Variants in ARHGAP44 observed in about 807,000 individuals in gnomAD.
ARHGAP44 encodes rho GTPase-activating protein 44.
ARHGAP44 carries 43 observed loss-of-function variants against 106.8 expected under a neutral mutation model. That is an observed-to-expected ratio of 0.40 (90% CI 0.32 to 0.52). ARHGAP44 has a LOEUF of 0.52. Among genes scored for constraint, ARHGAP44 ranks in the 20% least tolerant of loss-of-function variants. The pLI, the probability that ARHGAP44 is intolerant of heterozygous loss-of-function variation, is 0.48. For missense variants in ARHGAP44, 866 were observed against 1,050.5 expected, an observed-to-expected ratio of 0.82 and a Z score of 2.43; for synonymous variants, 439 against 410.3, an observed-to-expected ratio of 1.07 and a Z score of -0.85.
chr17:12,856,451 AT>A (rs970783093), intron 1 of ARHGAP44, among the ~76,000 whole-genome samples: 17 of 152,134 alleles, frequency 1.1e-4, no homozygotes, highest in African/African-American at 3.9e-4. Context: ...ATTTTCTACT[AT>A]TTTTTAAAAG....
chr17:12,815,253 T>C (rs1308549484), intron 1 of ARHGAP44, among the ~76,000 whole-genome samples: 1 of 152,180 alleles, frequency 6.6e-6, no homozygotes, highest in Non-Finnish European at 1.5e-5. Context: ...CCTGTAGGCA[T>C]TTAGAATGTA....
At chr17:12,833,300 C>A (rs74918296) in intron 1 of ARHGAP44, among the ~76,000 whole-genome samples, 452 of 152,268 alleles carry the variant, frequency 3.0e-3, no homozygotes, top group African/African-American at 9.9e-3. Context: ...TGGACTTTTT[C>A]GTACGTGTCT....
At chr17:12,808,717 T>G (rs2034351711) in intron 1 of ARHGAP44, among the ~76,000 whole-genome samples, 1 of 152,238 alleles carries the variant, frequency 6.6e-6, no homozygotes, top group Admixed American at 6.5e-5. Flanking sequence ...ACCTCTGATA[T>G]GCCCTGGGGA....
intron 1 of ARHGAP44, among the ~76,000 whole-genome samples, chr17:12,827,329 A>C (rs954149263): frequency 6.6e-6 from 1 of 152,170 alleles, no homozygotes; most frequent in Non-Finnish European, 1.5e-5. Flanking sequence ...GTAAACATGC[A>C]GTCTAATGCG....
intron 1 of ARHGAP44, among the ~76,000 whole-genome samples, chr17:12,868,158 G>A (rs867282521): frequency 2.6e-5 from 4 of 152,180 alleles, no homozygotes; most frequent in Middle Eastern, 3.4e-3. Context: ...TCGGAGGGTC[G>A]TTTTCCTCTG....
At chr17:12,828,636 C>CTTTTTTTTTTTTT (rs34860101) in intron 1 of ARHGAP44, among the ~76,000 whole-genome samples, 2 of 93,268 alleles carry the variant, frequency 2.1e-5, no homozygotes, top group East Asian at 6.3e-4. Flanking sequence ...TTTTTTCTTT[C>CTTTTTTTTTTTTT]TTTTTTTTTT....
chr17:12,883,942 G>C (rs2036809693), intron 1 of ARHGAP44, among the ~76,000 whole-genome samples: 1 of 152,088 alleles, frequency 6.6e-6, no homozygotes, highest in Admixed American at 6.5e-5. Flanking sequence ...CTGTCAGTTT[G>C]ATTTTTATAT....
Position 12,789,570 on chromosome 17 carries a change from C to A in ARHGAP44, c.-269C>A. 1 of 243,082 alleles carries A rather than the reference C, an allele frequency of 4.1e-6. No individual in the cohort carries two copies. The allele number at this position is 243,082 out of a possible 1,614,324, so 15.1% of individuals were successfully genotyped here. On this transcript the variant is annotated 5_prime_UTR_variant, in exon 1 of 21. Transcript: ENST00000379672. ...GAGCAGGCAGCCCGGGCGGAGCGGG[C>A]CGGTGCCGAGGACGGCCCCAGGCAT...
intron 7 of ARHGAP44, among the ~76,000 whole-genome samples, chr17:12,930,229 C>T (rs942461239): frequency 2.6e-5 from 4 of 151,496 alleles, no homozygotes; most frequent in Non-Finnish European, 5.9e-5. Context: ...TTATTCTTTT[C>T]TCTCTCTCTC....
chr17:12,968,991 G>A (rs1191470252), intron 16 of ARHGAP44, among the ~76,000 whole-genome samples: 4 of 151,942 alleles, frequency 2.6e-5, no homozygotes, highest in African/African-American at 9.7e-5. Context: ...GGATGGTCTC[G>A]ATCTCCTGAC....
At position 12,990,942 on chromosome 17, in the gene ARHGAP44, G is replaced by C. The variant is rs1367800184; in HGVS notation, c.*771G>C. The C allele has an allele frequency of 2.0e-5, 3 of 152,644 alleles. No homozygotes were observed. Among genetic ancestry groups the C allele is most frequent in the African/African-American group, 7.2e-5 (3 of 41,458 alleles). The allele number at this position is 152,644 out of a possible 1,614,324, so 9.5% of individuals were successfully genotyped here. On this transcript the variant is annotated 3_prime_UTR_variant, in exon 21 of 21. Transcript: ENST00000379672. The stretch of plus-strand genomic sequence containing the variant: ...CCCCAAATATATTGGCTATATGAGA[G>C]TAATTTTACCCCTCTACGTACCTAA...
chr17:12,824,189 A>T (rs2034853391), intron 1 of ARHGAP44, among the ~76,000 whole-genome samples: 1 of 152,040 alleles, frequency 6.6e-6, no homozygotes, highest in Non-Finnish European at 1.5e-5. Context: ...TTCTGTGTGG[A>T]TGACTCTCAA....
Position 12,949,269 on chromosome 17 carries a change from C to T in ARHGAP44, c.973+18C>T. ...AATTGCAGGTGGGCACCTCTCAGCGCTCCTGTGTGCCATGGAGGCTCACAG... is the reference window on the plus strand; with the variant it reads ...AATTGCAGGTGGGCACCTCTCAGCGTTCCTGTGTGCCATGGAGGCTCACAG... On this transcript the variant is annotated intron_variant, in intron 11 of 20. Coordinates refer to ENST00000379672, the MANE Select transcript of ARHGAP44 (RefSeq NM_014859.6). This position sits in a 1 kb window ranked among gnomAD's most constrained non-coding sequence, Gnocchi z 4.1. 1 of 1,549,436 alleles carries T rather than the reference C, an allele frequency of 6.5e-7. No individual in the cohort carries two copies. Among genetic ancestry groups the T allele is most frequent in the Non-Finnish European group, 8.7e-7 (1 of 1,145,978 alleles).
chr17:12,804,084 C>T (rs910833997), intron 1 of ARHGAP44, among the ~76,000 whole-genome samples: 1 of 152,158 alleles, frequency 6.6e-6, no homozygotes, highest in Non-Finnish European at 1.5e-5. Context: ...CTGTCTTTCT[C>T]TCCATTTTTC....
intron 1 of ARHGAP44, among the ~76,000 whole-genome samples, chr17:12,852,754 A>G (rs1356381766): frequency 3.3e-5 from 5 of 151,884 alleles, no homozygotes; most frequent in East Asian, 1.9e-4. Context: ...TGTTAGCCAG[A>G]ATGGTCTTGA....
chr17:12,834,103 C>T lies in ARHGAP44; in HGVS notation c.53+44212C>T, dbSNP rs989714657. ...GTTGGAATGCCCTTGGCCAAGAGTA[C>T]GGGTCCAATTAGATGGTTGGGGGTG... On this transcript the variant is annotated intron_variant, in intron 1 of 20. Transcript: ENST00000379672. 1.6e-4 allele frequency among the ~76,000 whole-genome samples: 24 copies of T among 152,156 alleles called. 1 individual carries two copies. In the South Asian group the frequency reaches 2.9e-3, roughly 18 times the overall value.
chr17:12,831,599 A>G lies in ARHGAP44; in HGVS notation c.53+41708A>G, dbSNP rs1325014903. Among the ~76,000 whole-genome samples the G allele has an allele frequency of 3.3e-5, 5 of 152,322 alleles. No homozygotes were observed. The South Asian group carries it at 6.2e-4, about 19-fold the overall frequency. ...GTGTCTGTTTGCTGGCAATGATCCA[A>G]GAAGTCAGGATTCAACCCTCCCATC... is the stretch of plus-strand genomic sequence containing the variant. On this transcript the variant is annotated intron_variant, in intron 1 of 20. Coordinates refer to ENST00000379672, the MANE Select transcript of ARHGAP44 (RefSeq NM_014859.6).
intron 1 of ARHGAP44, among the ~76,000 whole-genome samples, chr17:12,820,482 C>T (rs2034734808): frequency 1.3e-5 from 2 of 152,162 alleles, no homozygotes; most frequent in South Asian, 4.1e-4. Context: ...AGATGTATTT[C>T]TAGGTCATGA....
chr17:12,949,978 A>G lies in ARHGAP44; in HGVS notation c.1055+248A>G, dbSNP rs544663762. 7.3e-4 allele frequency among the ~76,000 whole-genome samples: 111 copies of G among 152,302 alleles called. No individual in the cohort carries two copies. The highest frequency in any genetic ancestry group is 2.6e-3 in the African/African-American group (107 of 41,566). On this transcript the variant is annotated intron_variant, in intron 12 of 20. Coordinates refer to ENST00000379672, the MANE Select transcript of ARHGAP44 (RefSeq NM_014859.6). This position sits in a 1 kb window ranked among gnomAD's most constrained non-coding sequence, Gnocchi z 4.1. ...AGGGGGTTGGGAAGTGGCTAAGTAAACTGTGGAGTGTCTGTACCATCGCAC... is the reference window on the plus strand; with the variant it reads ...AGGGGGTTGGGAAGTGGCTAAGTAAGCTGTGGAGTGTCTGTACCATCGCAC...
Sources: gnomAD v4.1 joint callset for allele counts (sites outside exome capture counted in the v4.1 genomes callset) on GRCh38, gnomAD v4.1.1 for gene constraint, Gnocchi (gnomAD v3.1) non-coding constraint, MANE v1.5 for transcripts, NCBI Gene and HGNC (gene_info 2026-07-23, HGNC 2026-07-21) for gene names.